The following NIBAN1 variants were observed in gnomAD, a reference collection of about 807,000 sequenced individuals.
The protein encoded by NIBAN1 is protein Niban 1.
NIBAN1 carries 81 observed loss-of-function variants against 75.1 expected under a neutral mutation model. The ratio of observed to expected loss-of-function variants is 1.08; its 90% CI spans 0.90 to 1.30. The LOEUF is 1.30. Among genes scored for constraint, NIBAN1 ranks in the 50% most tolerant of loss-of-function variants. The pLI, the probability that NIBAN1 is intolerant of heterozygous loss-of-function variation, is 0.00. For synonymous variants in NIBAN1, 436 were observed against 424.8 expected (o/e 1.03, Z -0.32); for missense variants, 1,133 against 1,128.1 (o/e 1.00, Z -0.06).
rs201723147 is a variant in NIBAN1, at chr1:184,803,602, C to T, written c.1537G>A (p.Ala513Thr). 179 of 1,613,948 alleles carry T rather than the reference C, an allele frequency of 1.1e-4. No homozygotes were observed. The highest frequency in any genetic ancestry group is 1.4e-5 in the Non-Finnish European group (17 of 1,179,958). ...CCCCTTACTGGTTTGCATGTGGACG[C>T]CAGTGCCTTCTGCACAGTGGGAAGT... is the stretch of plus-strand genomic sequence containing the variant. ...ITLPTVQKAL[A>T]STCKPELQKY... is the part of the protein sequence containing the mutation. Residue 513 changes from alanine to threonine, a missense_variant, in exon 12 of 14, where the codon GCG becomes ACG. Physicochemically the swap from Ala to Thr is moderately conservative, Grantham distance 58. Transcript: ENST00000367511.
intron 1 of NIBAN1, among the ~76,000 whole-genome samples, chr1:184,922,947 T>C (rs1163403260): frequency 6.6e-6 from 1 of 152,208 alleles, no homozygotes; most frequent in Non-Finnish European, 1.5e-5. Context: ...TTAAGCTTCT[T>C]ATACATTCTG....
chr1:184,797,547 G>A (rs1446608135), intron 13 of NIBAN1, among the ~76,000 whole-genome samples: 1 of 151,542 alleles, frequency 6.6e-6, no homozygotes, highest in Admixed American at 6.6e-5. Flanking sequence ...GACTTGCGTG[G>A]CACTGCATCA....
intron 1 of NIBAN1, among the ~76,000 whole-genome samples, chr1:184,928,658 G>A (rs1273571446): frequency 1.3e-5 from 2 of 152,076 alleles, no homozygotes; most frequent in Non-Finnish European, 2.9e-5. Flanking sequence ...CCTCCCCCAA[G>A]CATACAGATT....
intron 5 of NIBAN1, among the ~76,000 whole-genome samples, chr1:184,858,703 A>G (rs1329635684): frequency 6.6e-6 from 1 of 152,234 alleles, no homozygotes; most frequent in African/African-American, 2.4e-5. Flanking sequence ...ACTGCCTCAT[A>G]GAAATAAGAA....
chr1:184,974,289 C>A lies in NIBAN1; in HGVS notation c.55+13G>T. 1.3e-6 allele frequency: 2 copies of A among 1,553,368 alleles called. No homozygotes were observed. Among genetic ancestry groups the A allele is most frequent in the Non-Finnish European group, 1.7e-6 (2 of 1,156,868 alleles). ...TCAGGGTGCTCCCCAGGCCCCCGGG[C>A]GGGCGGGCGTACCTCGGATGTAAGC... is the stretch of plus-strand genomic sequence containing the variant. On this transcript the variant is annotated intron_variant, in intron 1 of 13. Transcript: ENST00000367511.
intron 6 of NIBAN1, among the ~76,000 whole-genome samples, chr1:184,829,712 C>T (rs1408843680): frequency 6.6e-6 from 1 of 152,018 alleles, no homozygotes; most frequent in East Asian, 1.9e-4. Context: ...GTGATCTGCC[C>T]GCCTTGGCCT....
chr1:184,791,094 T>A lies in NIBAN1; in HGVS notation c.*3883A>T, dbSNP rs777247699. 24 of 468,276 alleles carry A rather than the reference T, an allele frequency of 5.1e-5. 1 individual carries two copies. The highest frequency in any genetic ancestry group is 4.4e-4 in the African/African-American group (22 of 49,912). 29.0% of individuals were successfully genotyped at this position (468,276 alleles called of 1,614,324 possible). ...GCAGAGTAAATACATGGTTACAAAGTGTTTTAAGTTTATTTGCTTTATATA... is the reference window on the plus strand; with the variant it reads ...GCAGAGTAAATACATGGTTACAAAGAGTTTTAAGTTTATTTGCTTTATATA... On this transcript the variant is annotated 3_prime_UTR_variant, in exon 14 of 14. Transcript: ENST00000367511.
intron 1 of NIBAN1, among the ~76,000 whole-genome samples, chr1:184,904,400 T>A (rs778746495): frequency 2.0e-5 from 3 of 152,152 alleles, no homozygotes; most frequent in Non-Finnish European, 2.9e-5. Flanking sequence ...CTAACACACC[T>A]CTTTGACAAC....
chr1:184,947,141 T>C (rs1658247724), intron 1 of NIBAN1, among the ~76,000 whole-genome samples: 1 of 152,162 alleles, frequency 6.6e-6, no homozygotes, highest in African/African-American at 2.4e-5. Flanking sequence ...TCAAATGACA[T>C]GTAGTCCAAG....
intron 5 of NIBAN1, chr1:184,868,098 A>G: frequency 2.9e-5 from 28 of 974,264 alleles, no homozygotes; most frequent in Non-Finnish European, 3.4e-5. Context: ...GTAAGATGTG[A>G]AAATGGGTGC....
At chr1:184,846,050 G>GT (rs1655435282) in intron 5 of NIBAN1, among the ~76,000 whole-genome samples, 1 of 86,728 alleles carries the variant, frequency 1.2e-5, no homozygotes, top group Non-Finnish European at 2.3e-5. Flanking sequence ...CTGGGGGAGG[G>GT]GCACCCGCCA....
chr1:184,933,247 C>A (rs368917620), intron 1 of NIBAN1, among the ~76,000 whole-genome samples: 1 of 152,324 alleles, frequency 6.6e-6, no homozygotes, highest in African/African-American at 2.4e-5. Context: ...CTTTCAGAAT[C>A]CTGTCCATCC....
intron 4 of NIBAN1, among the ~76,000 whole-genome samples, chr1:184,885,445 G>A (rs1052108158): frequency 2.0e-5 from 3 of 152,182 alleles, no homozygotes; most frequent in African/African-American, 7.2e-5. Flanking sequence ...AAAGTGCTGG[G>A]ATTACAGGCA....
At chr1:184,891,681 G>A (rs138326316) in intron 3 of NIBAN1, among the ~76,000 whole-genome samples, 1 of 152,208 alleles carries the variant, frequency 6.6e-6, no homozygotes, top group African/African-American at 2.4e-5. Context: ...CAGCCCCAGT[G>A]CACACAAAAT....
chr1:184,814,662 T>C (rs1044465552), intron 9 of NIBAN1, among the ~76,000 whole-genome samples: 5 of 152,218 alleles, frequency 3.3e-5, no homozygotes, highest in Non-Finnish European at 5.9e-5. Flanking sequence ...TTTTGTAATA[T>C]CCAATGTTTT....
At chr1:184,885,615 C>T (rs1656505656) in intron 4 of NIBAN1, among the ~76,000 whole-genome samples, 1 of 152,182 alleles carries the variant, frequency 6.6e-6, no homozygotes. Context: ...TCCAACAGGG[C>T]AGCTCTCTGC....
chr1:184,954,677 CAG>C (rs1477733876), intron 1 of NIBAN1, among the ~76,000 whole-genome samples: 4 of 152,266 alleles, frequency 2.6e-5, no homozygotes, highest in East Asian at 3.9e-4. Context: ...AACTCAGAAT[CAG>C]AGTATATTCT....
chr1:184,946,845 G>A (rs997825411), intron 1 of NIBAN1, among the ~76,000 whole-genome samples: 3 of 152,048 alleles, frequency 2.0e-5, no homozygotes, highest in African/African-American at 7.2e-5. Context: ...AGGCCAAGGC[G>A]GATGGATCAC....
chr1:184,796,438 A>G (rs1028636317), intron 13 of NIBAN1, among the ~76,000 whole-genome samples: 2 of 152,190 alleles, frequency 1.3e-5, no homozygotes, highest in African/African-American at 2.4e-5. Flanking sequence ...ACATTTTATT[A>G]GCTGCTAAGA....
Sources: gnomAD v4.1 joint callset for allele counts (sites outside exome capture counted in the v4.1 genomes callset) on GRCh38, gnomAD v4.1.1 for gene constraint, MANE v1.5 for transcripts, NCBI Gene and HGNC (gene_info 2026-07-23, HGNC 2026-07-21) for gene names.